Variants in TYW1 observed in about 807,000 individuals in gnomAD.
The protein encoded by TYW1 is tRNA-yW synthesizing protein 1 homolog, also known as S-adenosyl-L-methionine-dependent tRNA 4-demethylwyosine synthase TYW1.
Under a neutral mutation model 96.2 loss-of-function variants are expected in TYW1, and 46 were observed. That is an observed-to-expected ratio of 0.48 (90% confidence interval 0.38 to 0.61). The LOEUF is 0.61. Among genes scored for constraint, TYW1 ranks in the 20% least tolerant of loss-of-function variants. TYW1 has a pLI of 0.00. For missense variants in TYW1, 684 were observed against 909.6 expected (o/e 0.75, Z 3.19); for synonymous variants, 274 against 323.0 (o/e 0.85, Z 1.63).
intron 11 of TYW1, among the ~76,000 whole-genome samples, chr7:67,097,502 G>A (rs1470901550): frequency 6.6e-6 from 1 of 152,106 alleles, no homozygotes; most frequent in African/African-American, 2.4e-5. Context: ...GGGTTCAAGC[G>A]ATTCTCCTGC....
chr7:67,127,017 A>G (rs1446816576), intron 13 of TYW1, among the ~76,000 whole-genome samples: 1 of 151,552 alleles, frequency 6.6e-6, no homozygotes, highest in Non-Finnish European at 1.5e-5. Context: ...TTTTCTTAGC[A>G]TATTAATCAT....
At chr7:67,103,071 A>G (rs1797138149) in intron 12 of TYW1, among the ~76,000 whole-genome samples, 1 of 152,226 alleles carries the variant, frequency 6.6e-6, no homozygotes, top group South Asian at 2.1e-4. Flanking sequence ...ACAAGACAGA[A>G]TATGTAGAAA....
intron 13 of TYW1, among the ~76,000 whole-genome samples, chr7:67,169,620 C>T (rs1799457194): frequency 6.6e-6 from 1 of 152,156 alleles, no homozygotes; most frequent in Non-Finnish European, 1.5e-5. Context: ...AGGCTGGTCT[C>T]GAACTCCTGA....
At chr7:67,148,471 G>A (rs947451054) in intron 13 of TYW1, among the ~76,000 whole-genome samples, 2 of 139,664 alleles carry the variant, frequency 1.4e-5, no homozygotes, top group African/African-American at 5.6e-5. Flanking sequence ...TGTCTCCCAG[G>A]CTGGAGTGCA....
Position 66,996,992 on chromosome 7 carries a change from C to T in TYW1, c.4+10C>T, listed in dbSNP as rs971009577. On this transcript the variant is annotated intron_variant, in intron 1 of 15. Coordinates refer to ENST00000359626, the MANE Select transcript of TYW1 (RefSeq NM_018264.4). ...GCTCTGAGGAGGATGGGTAAGGGCA[C>T]TCGGCGGGCAAGGACCCTGGGGCGG... is the stretch of plus-strand genomic sequence containing the variant. 3 of 1,614,002 alleles carry T rather than the reference C, an allele frequency of 1.9e-6. No individual in the cohort carries two copies. Among genetic ancestry groups the T allele is most frequent in the African/African-American group, 1.3e-5 (1 of 74,934 alleles).
intron 9 of TYW1, among the ~76,000 whole-genome samples, chr7:67,057,754 T>C (rs1160164763): frequency 6.6e-6 from 1 of 152,232 alleles, no homozygotes; most frequent in Non-Finnish European, 1.5e-5. Context: ...GTTGTTTGAC[T>C]CTATATTATT....
rs192401095 is a variant in TYW1 at position 67,054,253 on chromosome 7, T to A, written c.1103-1582T>A. Among the ~76,000 whole-genome samples the A allele has an allele frequency of 8.8e-5, 13 of 147,958 alleles. No individual in the cohort carries two copies. In the East Asian group the frequency reaches 2.0e-3, roughly 23 times the overall value. The stretch of plus-strand genomic sequence containing the variant: ...TATTTGTGCTGTGGTCAACTACAGA[T>A]CTCTTCATTCTGTAATGTACAGTTT... On this transcript the variant is annotated intron_variant, in intron 8 of 15. Coordinates refer to ENST00000359626, the MANE Select transcript of TYW1 (RefSeq NM_018264.4).
At chr7:67,020,985 G>C (rs1486470491) in intron 6 of TYW1, among the ~76,000 whole-genome samples, 1 of 152,268 alleles carries the variant, frequency 6.6e-6, no homozygotes, top group Non-Finnish European at 1.5e-5. Flanking sequence ...CCGAGATTGC[G>C]TCACTGCACT....
At chr7:67,034,534 A>G (rs1159900471) in intron 7 of TYW1, among the ~76,000 whole-genome samples, 3 of 151,954 alleles carry the variant, frequency 2.0e-5, no homozygotes, top group African/African-American at 7.3e-5. Context: ...TCTTGCAGGT[A>G]TTTTATTGCC....
intron 6 of TYW1, among the ~76,000 whole-genome samples, 192 bp from the exon 7 acceptor site, chr7:67,024,708 G>C (rs1172978174): frequency 6.6e-6 from 1 of 151,796 alleles, no homozygotes; most frequent in African/African-American, 2.4e-5. Flanking sequence ...TTGAACCTGA[G>C]AGGTGGAGGT....
rs1039718943 is a variant in TYW1 at position 67,018,042 on chromosome 7, G to A, written c.760G>A (p.Gly254Ser). The change falls in exon 6 of 16, where the codon GGC becomes AGC. Residue 254 changes from glycine to serine, a missense_variant. Coordinates refer to ENST00000359626, the MANE Select transcript of TYW1 (RefSeq NM_018264.4). ...QKGERKKSCGGHCKKGKCESH... is the reference protein window; with the variant it reads ...QKGERKKSCGSHCKKGKCESH... The stretch of plus-strand genomic sequence containing the variant: ...AGGGGAGAGAAAGAAGTCCTGTGGC[G>A]GCCACTGCAAGAAAGGCAAATGTGA... 33 of 1,613,892 alleles carry A rather than the reference G, an allele frequency of 2.0e-5. No homozygotes were observed. The highest frequency in any genetic ancestry group is 1.6e-4 in the Middle Eastern group (1 of 6,084).
chr7:67,218,384 C>T (rs28847740), intron 15 of TYW1, among the ~76,000 whole-genome samples: 6,024 of 149,304 alleles, frequency 0.04, 179 homozygotes, highest in Middle Eastern at 0.088. Context: ...GATGGAGTCT[C>T]GCCCTGTTGC....
intron 14 of TYW1, among the ~76,000 whole-genome samples, chr7:67,192,333 T>C (rs1800245369): frequency 6.6e-6 from 1 of 152,084 alleles, no homozygotes; most frequent in African/African-American, 2.4e-5. Flanking sequence ...CCAAACTAAA[T>C]CTCCCCTCAG....
At chr7:67,012,131 C>T (rs1024822822) in intron 4 of TYW1, among the ~76,000 whole-genome samples, 5 of 152,076 alleles carry the variant, frequency 3.3e-5, no homozygotes, top group African/African-American at 9.7e-5. Context: ...GCTGGTGGAT[C>T]GCTTGAGCTC....
intron 10 of TYW1, among the ~76,000 whole-genome samples, chr7:67,080,907 T>C (rs1445634042): frequency 1.3e-5 from 2 of 150,906 alleles, no homozygotes; most frequent in African/African-American, 4.9e-5. Flanking sequence ...GACTTACTCA[T>C]GTTGTTTTGT....
Position 67,005,479 on chromosome 7 carries a change from C to A in TYW1, c.274-4104C>A, listed in dbSNP as rs1012188801. On this transcript the variant is annotated intron_variant, in intron 3 of 15. Transcript: ENST00000359626. Reference sequence around the variant, plus strand: ...GGCATGGTGGCATGTGCCTGTAGTCCTAGCTACTTGGGCGGCTGAGGTGGG... The same window carrying A: ...GGCATGGTGGCATGTGCCTGTAGTCATAGCTACTTGGGCGGCTGAGGTGGG... Among the ~76,000 whole-genome samples the A allele has an allele frequency of 3.3e-5, 5 of 152,296 alleles. No homozygotes were observed. The South Asian group carries it at 1.0e-3, about 32-fold the overall frequency.
intron 13 of TYW1, among the ~76,000 whole-genome samples, chr7:67,138,042 C>T (rs181697153): frequency 5.8e-4 from 88 of 152,272 alleles, no homozygotes; most frequent in African/African-American, 2.1e-3. Context: ...CTTAAAGTGA[C>T]TTTCTGAGAA....
rs975839827 is a variant in TYW1 at position 67,060,948 on chromosome 7, C to T, written c.1155+5061C>T. Among the ~76,000 whole-genome samples the T allele has an allele frequency of 4.6e-5, 7 of 152,128 alleles. 1 individual carries two copies. The highest frequency in any genetic ancestry group is 4.1e-4 in the South Asian group (2 of 4,830). ...TTCTTAAAATTTATCCAGTTTCAGC[C>T]GGGCACCAGTTGTTCACACCTGAAA... On this transcript the variant is annotated intron_variant, in intron 9 of 15. Coordinates refer to ENST00000359626, the MANE Select transcript of TYW1 (RefSeq NM_018264.4).
At position 67,057,816 on chromosome 7, in the gene TYW1, G is replaced by A. The variant is rs117381204; in HGVS notation, c.1155+1929G>A. On this transcript the variant is annotated intron_variant, in intron 9 of 15. Coordinates refer to ENST00000359626, the MANE Select transcript of TYW1 (RefSeq NM_018264.4). ...TGGATGTGAATCTTTTGTTGAATGT[G>A]CATTGTGAATATTTCTCTAGACTGT... 3.4e-3 allele frequency among the ~76,000 whole-genome samples: 512 copies of A among 152,282 alleles called. 15 individuals are homozygous for A. The East Asian group carries it at 0.078, about 23-fold the overall frequency.
Sources: allele counts gnomAD v4.1 joint callset (sites outside exome capture counted in the v4.1 genomes callset), GRCh38; gene constraint gnomAD v4.1.1; transcripts MANE v1.5; gene names NCBI Gene and HGNC (gene_info 2026-07-23, HGNC 2026-07-21).